Variants in MYH7B observed in about 807,000 individuals in gnomAD.
MYH7B encodes myosin-7B.
MYH7B carries 205 observed loss-of-function variants against 234.5 expected under a neutral mutation model. That is an observed-to-expected ratio of 0.87 (90% confidence interval 0.78 to 0.98). The LOEUF is 0.98. Ranked by LOEUF, MYH7B falls within the 50% of genes least tolerant of loss-of-function variation. MYH7B has a pLI of 0.00. For missense variants in MYH7B, 2,652 were observed against 2,633.4 expected (o/e 1.01, Z -0.15); for synonymous variants, 1,193 against 1,105.0 (o/e 1.08, Z -1.58).
At chr20:34,994,259 A>G (rs760839536) in exon 27 of MYH7B, 13 of 1,612,920 alleles carry the variant, frequency 8.1e-6, no homozygotes, top group Non-Finnish European at 1.1e-5. Flanking sequence ...GCGCAGGCTG[A>G]GGAGGAGCTG....
intron 2 of MYH7B, among the ~76,000 whole-genome samples, chr20:34,961,249 T>A (rs1006263980): frequency 6.6e-6 from 1 of 152,208 alleles, no homozygotes; most frequent in Non-Finnish European, 1.5e-5. Flanking sequence ...GTACCACCCA[T>A]GTAGCCCAGT....
At chr20:34,989,754 G>A (rs1243407408) in exon 20 of MYH7B, 2 of 1,614,028 alleles carry the variant, frequency 1.2e-6, no homozygotes, top group East Asian at 4.5e-5. Flanking sequence ...TGGGCATCCT[G>A]TCCATCCTGG....
At chr20:34,995,001 C>T (rs1363262177) in intron 27 of MYH7B, among the ~76,000 whole-genome samples, 2 of 152,132 alleles carry the variant, frequency 1.3e-5, no homozygotes, top group Non-Finnish European at 2.9e-5. Flanking sequence ...GGAGCCCGTC[C>T]GTGGCTGTGC....
intron 2 of MYH7B, among the ~76,000 whole-genome samples, chr20:34,967,831 A>G (rs2081757475): frequency 1.3e-5 from 2 of 151,976 alleles, no homozygotes; most frequent in African/African-American, 4.8e-5. Flanking sequence ...CCATCCTGAG[A>G]CCCCAGGCAG....
intron 10 of MYH7B, among the ~76,000 whole-genome samples, chr20:34,983,092 C>T (rs1164372744): frequency 1.3e-5 from 2 of 152,126 alleles, no homozygotes; most frequent in African/African-American, 4.8e-5. Context: ...ACATTTCATC[C>T]CTAGCCTTGG....
intron 3 of MYH7B, among the ~76,000 whole-genome samples, chr20:34,976,301 C>T (rs993905154): frequency 6.6e-6 from 1 of 152,226 alleles, no homozygotes; most frequent in Non-Finnish European, 1.5e-5. Flanking sequence ...TTTCGTCTAG[C>T]ACACCTGTGC....
chr20:34,959,149 CTG>C (rs1412393051), intron 2 of MYH7B, among the ~76,000 whole-genome samples: 2 of 152,228 alleles, frequency 1.3e-5, no homozygotes, highest in African/African-American at 2.4e-5. Context: ...ATAGACTCGT[CTG>C]AGATCCATTA....
At chr20:34,985,247 C>T in intron 13 of MYH7B, 118 bp downstream of exon 13, 3 of 944,138 alleles carry the variant, frequency 3.2e-6, no homozygotes, top group Non-Finnish European at 5.0e-6. Context: ...TCTCTCTACC[C>T]CCTGGCTGCT....
chr20:34,977,575 G>T lies in MYH7B; in HGVS notation c.-121-57G>T. ...CCTTTTGTGTCCTGTGGCCAGGCTG[G>T]GGGGGCTGTGACACGTGGAGATTGC... On this transcript the variant is annotated intron_variant, in intron 3 of 44. Coordinates refer to ENST00000262873, the Ensembl canonical transcript of MYH7B. 3.3e-6 allele frequency: 5 copies of T among 1,526,876 alleles called. No homozygotes were observed. The East Asian group carries it at 7.1e-5, about 22-fold the overall frequency. The allele number at this position is 1,526,876 out of a possible 1,614,324, so 94.6% of individuals were successfully genotyped here.
At position 35,000,708 on chromosome 20, in the gene MYH7B, G is replaced by T. The variant is rs749178687; in HGVS notation, c.5178+19G>T. 6.2e-7 allele frequency: 1 copy of T among 1,600,920 alleles called. No homozygotes were observed. Among genetic ancestry groups the T allele is most frequent in the Non-Finnish European group, 8.5e-7 (1 of 1,174,176 alleles). ...TTCGCAGGTGGGGACAGGAGTCCCT[G>T]GGGACAGAGCAGGTGCAGGCCTGCT... On this transcript the variant is annotated intron_variant, in intron 39 of 44. Transcript: ENST00000262873.
At chr20:34,998,797 G>A (rs778445532) in exon 35 of MYH7B, 20 of 1,613,132 alleles carry the variant, frequency 1.2e-5, no homozygotes, top group Non-Finnish European at 1.7e-5. Context: ...CGAGGAGGAG[G>A]CTGAGGCCCA....
exon 39 of MYH7B, chr20:35,000,617 C>T (rs369815363): frequency 1.5e-5 from 23 of 1,573,080 alleles, no homozygotes; most frequent in African/African-American, 8.1e-5. Context: ...TGGAGCAGGG[C>T]GAGCGCAGCC....
chr20:34,976,466 ACGGAGCC>A (rs1316714315), intron 3 of MYH7B, among the ~76,000 whole-genome samples: 3 of 152,212 alleles, frequency 2.0e-5, no homozygotes, highest in Non-Finnish European at 4.4e-5. Context: ...CTGTGGCGTC[ACGGAGCC>A]CTGAATGGGG....
chr20:34,974,594 C>A (rs1456839205), intron 2 of MYH7B, among the ~76,000 whole-genome samples: 1 of 152,160 alleles, frequency 6.6e-6, no homozygotes, highest in East Asian at 1.9e-4. Context: ...CTCAGACCCA[C>A]ATGATAGGTG....
At chr20:34,989,189 G>A (rs1398664872) in intron 19 of MYH7B, among the ~76,000 whole-genome samples, 2 of 152,202 alleles carry the variant, frequency 1.3e-5, no homozygotes, top group African/African-American at 4.8e-5. Flanking sequence ...TGCTGCTCAT[G>A]GCAAGAGTAG....
intron 7 of MYH7B, chr20:34,980,083 C>T: frequency 2.0e-6 from 1 of 496,930 alleles, no homozygotes; most frequent in Non-Finnish European, 3.7e-6. Context: ...ACTATGGAGG[C>T]CGTGCGTGTG....
exon 36 of MYH7B, chr20:34,999,290 G>A: frequency 6.3e-7 from 1 of 1,590,810 alleles, no homozygotes; most frequent in Non-Finnish European, 8.6e-7. Context: ...GGGAGCTGGA[G>A]GCGGCACAGA....
rs1308914377 is a variant in MYH7B at position 34,987,117 on chromosome 20, T to C, written c.1009-32T>C. ...GCTGGACCCTGGAGGAGCCCAGACC[T>C]CTCTGAACTCGCTTTCCCTGCTGCC... On this transcript the variant is annotated intron_variant, in intron 15 of 44. Transcript: ENST00000262873. 1.9e-6 allele frequency: 3 copies of C among 1,612,402 alleles called. No individual in the cohort carries two copies. The Admixed American group carries it at 5.0e-5, about 27-fold the overall frequency.
chr20:34,957,474 C>A (rs940095058), intron 1 of MYH7B, among the ~76,000 whole-genome samples: 1 of 144,636 alleles, frequency 6.9e-6, no homozygotes, highest in Admixed American at 6.9e-5. Context: ...GGACCAAGAT[C>A]CTTTTGACTC....
Sources: gnomAD v4.1 joint callset for allele counts (sites outside exome capture counted in the v4.1 genomes callset) on GRCh38, gnomAD v4.1.1 for gene constraint, MANE v1.5 for transcripts, NCBI Gene and HGNC (gene_info 2026-07-23, HGNC 2026-07-21) for gene names.